SPATA6L: variants seen among roughly 807,000 people sequenced by gnomAD.
SPATA6L encodes spermatogenesis associated 6 like, also known as spermatogenesis associated 6-like protein.
A neutral mutation model predicts 49.2 loss-of-function variants in SPATA6L; 68 were observed. That is an observed-to-expected ratio of 1.38 (90% CI 1.14 to 1.69). The LOEUF is 1.69. Among genes scored for constraint, SPATA6L ranks in the 40% most tolerant of loss-of-function variants. SPATA6L has a pLI of 0.00. For missense variants in SPATA6L, 668 were observed against 464.3 expected (o/e 1.44, Z -4.03); for synonymous variants, 198 against 165.7 (o/e 1.19, Z -1.50).
chr9:4,660,949 C>T (rs1055873248), intron 2 of SPATA6L, among the ~76,000 whole-genome samples: 1 of 152,066 alleles, frequency 6.6e-6, no homozygotes, highest in Non-Finnish European at 1.5e-5. Flanking sequence ...CCAAACACCG[C>T]ATGTTCTCAC....
At chr9:4,609,860 C>A (rs1011627667) in intron 9 of SPATA6L, among the ~76,000 whole-genome samples, 3 of 152,036 alleles carry the variant, frequency 2.0e-5, no homozygotes, top group African/African-American at 7.3e-5. Flanking sequence ...CAAATTGTCC[C>A]TGTTTGCAGA....
intron 11 of SPATA6L, among the ~76,000 whole-genome samples, chr9:4,603,015 A>C (rs1242781436): frequency 1.3e-5 from 2 of 152,174 alleles, no homozygotes; most frequent in Non-Finnish European, 2.9e-5. Context: ...TGGAAAAGAA[A>C]AGAATATATG....
intron 10 of SPATA6L, among the ~76,000 whole-genome samples, chr9:4,604,958 T>G (rs142498573): frequency 2.4e-4 from 36 of 152,338 alleles, no homozygotes; most frequent in African/African-American, 8.4e-4. Flanking sequence ...TGGCCTTACA[T>G]AGCTCACACA....
At position 4,625,595 on chromosome 9, in the gene SPATA6L, T is replaced by A; in HGVS notation, c.430-29A>T. ...AAATAAACAAAAAAAGAATATTTTTTAAAATAAAGAAAGAAAAGAAGAAAA... is the reference window on the plus strand; with the variant it reads ...AAATAAACAAAAAAAGAATATTTTTAAAAATAAAGAAAGAAAAGAAGAAAA... On this transcript the variant is annotated intron_variant, in intron 5 of 11. Coordinates refer to ENST00000682582, the MANE Select transcript of SPATA6L (RefSeq NM_001353486.2). The A allele has an allele frequency of 1.4e-6, 2 of 1,423,560 alleles. No individual in the cohort carries two copies. The highest frequency in any genetic ancestry group is 1.9e-6 in the Non-Finnish European group (2 of 1,069,004). 88.2% of individuals were successfully genotyped at this position (1,423,560 alleles called of 1,614,324 possible).
In SPATA6L at chr9:4,655,552, G is replaced by T. The variant is rs564060805; in HGVS notation, c.226+489C>A. 1.1e-3 allele frequency among the ~76,000 whole-genome samples: 164 copies of T among 148,418 alleles called. 1 individual carries two copies. Among genetic ancestry groups the T allele is most frequent in the Non-Finnish European group, 1.7e-3 (118 of 67,666 alleles). On this transcript the variant is annotated intron_variant, in intron 3 of 11. Coordinates refer to ENST00000682582, the MANE Select transcript of SPATA6L (RefSeq NM_001353486.2). ...CTATATTTAGTTTTTTTGTTTTTTT[G>T]TTGTTTTTTTTTTTGAGATGGAGTC...
In SPATA6L at chr9:4,605,454, G is replaced by A. The variant is rs978608793; in HGVS notation, c.996-14C>T. The A allele has an allele frequency of 6.3e-7, 1 of 1,584,928 alleles. No homozygotes were observed. Among genetic ancestry groups the A allele is most frequent in the African/African-American group, 1.3e-5 (1 of 74,510 alleles). ...CCAGGATGGAACCTGCTCAACAGAT[G>A]GAACAGGGTGGAATATTAAGCAGCT... On this transcript the variant is annotated splice_polypyrimidine_tract_variant and intron_variant, in intron 9 of 11. Transcript: ENST00000682582.
intron 2 of SPATA6L, among the ~76,000 whole-genome samples, chr9:4,661,199 C>G (rs987599174): frequency 6.6e-6 from 1 of 152,184 alleles, no homozygotes; most frequent in Admixed American, 6.5e-5. Flanking sequence ...AGATCTCCCT[C>G]AATGACATTG....
Position 4,622,492 on chromosome 9 carries a change from A to G in SPATA6L, c.688T>C (p.Phe230Leu). 6.2e-7 allele frequency: 1 copy of G among 1,612,784 alleles called. No individual in the cohort carries two copies. Among genetic ancestry groups the G allele is most frequent in the Non-Finnish European group, 8.5e-7 (1 of 1,179,420 alleles). The stretch of plus-strand genomic sequence containing the variant: ...TGATGCTCTGAAATATTCTCACCAA[A>G]GGGCTTTGCACTGTCCACCTGAAAG... ...VVRHVDSAKP[F>L]GENISEHHLR... Residue 230 changes from phenylalanine (F) to leucine (L), a missense_variant, in exon 7 of 12, where the codon TTT becomes CTT. By Grantham distance (22) the Phe-to-Leu change is conservative. Transcript: ENST00000682582.
At chr9:4,603,046 A>G (rs561322708) in intron 11 of SPATA6L, among the ~76,000 whole-genome samples, 46 of 152,354 alleles carry the variant, frequency 3.0e-4, no homozygotes, top group Admixed American at 2.6e-4. Context: ...ATGTCCCACA[A>G]TGTGGCTAAC....
chr9:4,590,230 A>G (rs1005172167), intron 13 of SPATA6L, among the ~76,000 whole-genome samples: 1 of 152,126 alleles, frequency 6.6e-6, no homozygotes, highest in African/African-American at 2.4e-5. Context: ...GGCTGGGAAC[A>G]AAATATTGAC....
chr9:4,621,331 T>C (rs1829244034), intron 7 of SPATA6L, among the ~76,000 whole-genome samples: 2 of 152,204 alleles, frequency 1.3e-5, no homozygotes, highest in African/African-American at 4.8e-5. Context: ...ACCCAAGACC[T>C]TTCAGGAGAT....
intron 2 of SPATA6L, among the ~76,000 whole-genome samples, chr9:4,658,689 A>T (rs934473093): frequency 6.6e-6 from 1 of 152,138 alleles, no homozygotes; most frequent in African/African-American, 2.4e-5. Flanking sequence ...TTCTTATAAA[A>T]ATATTTTTAA....
At chr9:4,624,072 T>G (rs1236562442) in intron 6 of SPATA6L, among the ~76,000 whole-genome samples, 4 of 152,216 alleles carry the variant, frequency 2.6e-5, no homozygotes, top group Non-Finnish European at 2.9e-5. Context: ...CAATTCATAG[T>G]CTCTGCCTAA....
rs1349599307 is a variant in SPATA6L at position 4,599,622 on chromosome 9, G to GA, written c.*1188dup. ...CAAGATCAGAATGTTGGCAGATGCA[G>GA]AATCTGGTGAGGGCCCTCTTCCTGG... On this transcript the variant is annotated 3_prime_UTR_variant, in exon 12 of 12. Transcript: ENST00000682582. Among the ~76,000 whole-genome samples, 1 of 152,226 alleles carries GA rather than the reference G, an allele frequency of 6.6e-6. No individual in the cohort carries two copies. Among genetic ancestry groups the GA allele is most frequent in the African/African-American group, 2.4e-5 (1 of 41,458 alleles).
intron 4 of SPATA6L, among the ~76,000 whole-genome samples, chr9:4,629,831 G>A (rs1465347656): frequency 7.3e-6 from 1 of 136,748 alleles, no homozygotes; most frequent in Non-Finnish European, 1.5e-5. Flanking sequence ...TAATCCTATA[G>A]GGTAGGTACA....
At chr9:4,660,641 G>C (rs1296717638) in intron 2 of SPATA6L, among the ~76,000 whole-genome samples, 1 of 152,168 alleles carries the variant, frequency 6.6e-6, no homozygotes, top group East Asian at 1.9e-4. Flanking sequence ...CAAGGATCTA[G>C]AACTAGAAAT....
intron 9 of SPATA6L, among the ~76,000 whole-genome samples, chr9:4,616,408 T>G (rs1828019959): frequency 6.6e-6 from 1 of 152,230 alleles, no homozygotes; most frequent in Admixed American, 6.5e-5. Context: ...CTTTCCGTTC[T>G]TCATTTAAAA....
chr9:4,636,602 A>G (rs889776094), intron 3 of SPATA6L, among the ~76,000 whole-genome samples: 1 of 152,194 alleles, frequency 6.6e-6, no homozygotes, highest in Non-Finnish European at 1.5e-5. Flanking sequence ...CAGTTTTGCT[A>G]TTTAGTGGCT....
Position 4,662,847 on chromosome 9 carries a change from G to A in SPATA6L, c.40-811C>T. 6.2e-7 allele frequency: 1 copy of A among 1,605,300 alleles called. No individual in the cohort carries two copies. The highest frequency in any genetic ancestry group is 8.5e-7 in the Non-Finnish European group (1 of 1,179,966). ...CACCCTCTACTGCCTGTGCAGGAGCGACAGCTGGGCCGGGCGCGAGGTGCT... is the reference window on the plus strand; with the variant it reads ...CACCCTCTACTGCCTGTGCAGGAGCAACAGCTGGGCCGGGCGCGAGGTGCT... On this transcript the variant is annotated intron_variant, in intron 1 of 11. Coordinates refer to ENST00000682582, the MANE Select transcript of SPATA6L (RefSeq NM_001353486.2). The surrounding 1 kb of genome is among the most constrained non-coding windows in gnomAD (Gnocchi z 4.9).
Sources: gnomAD v4.1 joint callset for allele counts (sites outside exome capture counted in the v4.1 genomes callset) on GRCh38, gnomAD v4.1.1 for gene constraint, Gnocchi (gnomAD v3.1) non-coding constraint, MANE v1.5 for transcripts, NCBI Gene and HGNC (gene_info 2026-07-23, HGNC 2026-07-21) for gene names.